Variants in TESPA1 observed in about 807,000 individuals in gnomAD.
TESPA1 encodes protein TESPA1.
TESPA1 carries 33 observed loss-of-function variants against 57.9 expected under a neutral mutation model. The ratio of observed to expected loss-of-function variants is 0.57; its 90% confidence interval spans 0.43 to 0.76. The LOEUF (loss-of-function observed/expected upper bound fraction) is 0.76, where lower values mean the gene tolerates loss of function less well. Among genes scored for constraint, TESPA1 ranks in the 30% least tolerant of loss-of-function variants. The pLI is 0.00. For missense variants in TESPA1, 618 were observed against 632.9 expected (o/e 0.98, Z 0.25); for synonymous variants, 227 against 228.9 (o/e 0.99, Z 0.07).
At chr12:54,967,924 CACTT>C (rs1423442927) in intron 3 of TESPA1, 32 bp from the exon 4 acceptor site, 1 of 1,612,782 alleles carries the variant, frequency 6.2e-7, no homozygotes, top group Non-Finnish European at 8.5e-7. Flanking sequence ...AGGTTGAAGT[CACTT>C]ACTACATTTT....
At chr12:54,958,104 T>C (rs1034514581) in intron 10 of TESPA1, among the ~76,000 whole-genome samples, 1 of 152,212 alleles carries the variant, frequency 6.6e-6, no homozygotes, top group Non-Finnish European at 1.5e-5. Flanking sequence ...TACTGACCTT[T>C]AGACAAAGTT....
rs1412786468 is a variant in TESPA1, at chr12:54,949,216, G to T, written c.*1176C>A. On this transcript the variant is annotated 3_prime_UTR_variant, in exon 11 of 11. Coordinates refer to ENST00000449076, the MANE Select transcript of TESPA1 (RefSeq NM_001136030.3). ...AAAATTTTTCCACCCTAGCCCTTTT[G>T]TCTCTGCCTCACTACGTATCAGACT... is the stretch of plus-strand genomic sequence containing the variant. 6.6e-6 allele frequency: 1 copy of T among 152,088 alleles called. No individual in the cohort carries two copies. Among genetic ancestry groups the T allele is most frequent in the East Asian group, 1.9e-4 (1 of 5,190 alleles). The allele number at this position is 152,088 out of a possible 1,614,324, so 9.4% of individuals were successfully genotyped here. A position where few individuals can be genotyped will look rare whatever the true frequency, so the allele number is the denominator to read the frequency against.
chr12:54,967,730 G>T, intron 4 of TESPA1, 113 bp downstream of exon 4: 3 of 1,251,364 alleles, frequency 2.4e-6, no homozygotes, highest in Non-Finnish European at 3.4e-6. Context: ...AACACTCAGG[G>T]ACTCTTTTGC....
chr12:54,953,667 C>T (rs1455902454), intron 10 of TESPA1, among the ~76,000 whole-genome samples: 3 of 152,012 alleles, frequency 2.0e-5, no homozygotes, highest in Non-Finnish European at 4.4e-5. Context: ...TACAGGGACC[C>T]GCCACTACGC....
chr12:54,970,105 G>GT (rs919748882), intron 3 of TESPA1, among the ~76,000 whole-genome samples: 13 of 150,902 alleles, frequency 8.6e-5, no homozygotes, highest in East Asian at 3.9e-4. Flanking sequence ...AAAAACTGTT[G>GT]TTTTTTTTTC....
chr12:54,961,039 T>C, intron 10 of TESPA1, 129 bp downstream of exon 10: 1 of 1,077,120 alleles, frequency 9.3e-7, no homozygotes, highest in Non-Finnish European at 1.4e-6. Flanking sequence ...TAATTAGTCA[T>C]TGGTTTCCAA....
In TESPA1 at chr12:54,966,376, C is replaced by T; in HGVS notation, c.347+12G>A. 6.2e-7 allele frequency: 1 copy of T among 1,613,894 alleles called. No homozygotes were observed. The highest frequency in any genetic ancestry group is 1.1e-5 in the South Asian group (1 of 91,086). On this transcript the variant is annotated intron_variant, in intron 6 of 10. Coordinates refer to ENST00000449076, the MANE Select transcript of TESPA1 (RefSeq NM_001136030.3). ...GGAGACATCATTCACCCTGGCTGAA[C>T]CTAACACTTACCTGGAGAAGAGTTT...
At position 54,962,733 on chromosome 12, in the gene TESPA1, G is replaced by T; in HGVS notation, c.1165C>A (p.Pro389Thr). The T allele has an allele frequency of 5.6e-6, 9 of 1,613,908 alleles. No homozygotes were observed. The highest frequency in any genetic ancestry group is 7.6e-6 in the Non-Finnish European group (9 of 1,179,880). ...SQTLDSNPKV[P>T]CCTHSLPIED... is the part of the protein sequence containing the mutation. Reference sequence around the variant, plus strand: ...ATGGGCAGAGAATGTGTGCAACAGGGTACCTTGGGGTTCGAATCCAGAGTT... The same window carrying T: ...ATGGGCAGAGAATGTGTGCAACAGGTTACCTTGGGGTTCGAATCCAGAGTT... Residue 389 changes from proline to threonine, a missense_variant, in exon 9 of 11, where the codon CCC becomes ACC. Physicochemically the swap from Pro to Thr is conservative, Grantham distance 38. Around this residue, in one of 3 missense-constraint regions of TESPA1, gnomAD observed 409 missense variants for 420.1 expected, o/e 0.97. Transcript: ENST00000449076.
chr12:54,964,500 G>A (rs909975518), intron 7 of TESPA1, among the ~76,000 whole-genome samples: 1 of 152,216 alleles, frequency 6.6e-6, no homozygotes, highest in Admixed American at 6.5e-5. Context: ...CAGAAGTCCT[G>A]TGTCACAGAA....
intron 3 of TESPA1, among the ~76,000 whole-genome samples, chr12:54,971,463 T>C (rs1951826852): frequency 6.6e-6 from 1 of 152,236 alleles, no homozygotes; most frequent in South Asian, 2.1e-4. Context: ...AATTAAGAAG[T>C]ATTACACACT....
chr12:54,960,516 T>C (rs1184282881), intron 10 of TESPA1, among the ~76,000 whole-genome samples: 1 of 152,206 alleles, frequency 6.6e-6, no homozygotes, highest in Non-Finnish European at 1.5e-5. Context: ...AGTTCAATGA[T>C]GTGGGCTGAT....
intron 1 of TESPA1, among the ~76,000 whole-genome samples, chr12:54,980,840 A>T (rs1015422443): frequency 2.6e-5 from 4 of 152,222 alleles, no homozygotes; most frequent in African/African-American, 9.6e-5. Context: ...GAAAAGGAAA[A>T]CTGTAGAAAG....
chr12:54,960,925 T>G (rs1473402987), intron 10 of TESPA1, among the ~76,000 whole-genome samples: 2 of 152,158 alleles, frequency 1.3e-5, no homozygotes, highest in African/African-American at 4.8e-5. Context: ...GTCATTTGTA[T>G]TTTAACAAGC....
chr12:54,975,781 C>G (rs138257881), intron 1 of TESPA1, among the ~76,000 whole-genome samples: 1 of 152,136 alleles, frequency 6.6e-6, no homozygotes, highest in East Asian at 1.9e-4. Flanking sequence ...GTGAGGCATC[C>G]AACAAAATAG....
At chr12:54,963,490 A>G (rs1248555593) in intron 8 of TESPA1, among the ~76,000 whole-genome samples, 4 of 152,210 alleles carry the variant, frequency 2.6e-5, no homozygotes, top group Admixed American at 6.5e-5. Context: ...CATCATGCTG[A>G]TATGATTGAC....
chr12:54,981,114 C>T (rs1005201472), intron 1 of TESPA1, among the ~76,000 whole-genome samples: 3 of 152,066 alleles, frequency 2.0e-5, no homozygotes, highest in Admixed American at 6.5e-5. Context: ...AAAATAGATA[C>T]TGTGCCAAAC....
intron 10 of TESPA1, among the ~76,000 whole-genome samples, chr12:54,955,954 A>G (rs2136047865): frequency 7.2e-6 from 1 of 139,762 alleles, no homozygotes; most frequent in East Asian, 6.8e-4. Context: ...TTATTTTGAT[A>G]TAAAAATGTG....
chr12:54,979,606 C>G (rs1288181046), intron 1 of TESPA1, among the ~76,000 whole-genome samples: 1 of 152,098 alleles, frequency 6.6e-6, no homozygotes, highest in Non-Finnish European at 1.5e-5. Context: ...TCTGAGGATG[C>G]TATAGTTAAA....
chr12:54,959,404 C>G (rs990301267), intron 10 of TESPA1, among the ~76,000 whole-genome samples: 11 of 152,232 alleles, frequency 7.2e-5, no homozygotes, highest in African/African-American at 2.7e-4. Context: ...AAAATGGTTC[C>G]TTTCTCCCGC....
Sources: allele counts gnomAD v4.1 joint callset (sites outside exome capture counted in the v4.1 genomes callset), GRCh38; gene constraint gnomAD v4.1.1; regional missense constraint gnomAD v4.1.1; transcripts MANE v1.5; gene names NCBI Gene and HGNC (gene_info 2026-07-23, HGNC 2026-07-21).